VCAN: variants seen among roughly 807,000 people sequenced by gnomAD.
VCAN encodes versican core protein.
Under a neutral mutation model 245.5 loss-of-function variants are expected in VCAN, and 44 were observed. The observed-to-expected ratio is 0.18, with a 90% CI of 0.14 to 0.23. VCAN has a LOEUF of 0.23. Ranked by LOEUF, VCAN falls within the 10% of genes least tolerant of loss-of-function variation. VCAN has a pLI of 1.00. For missense variants in VCAN, 3,793 were observed against 4,057.9 expected, an observed-to-expected ratio of 0.93 and a Z score of 1.77; for synonymous variants, 1,413 against 1,437.0, an observed-to-expected ratio of 0.98 and a Z score of 0.38.
intron 12 of VCAN, among the ~76,000 whole-genome samples, chr5:83,558,101 T>A (rs1390585543): frequency 6.6e-6 from 1 of 152,148 alleles, no homozygotes; most frequent in Admixed American, 6.6e-5. Context: ...GCCCACTTTC[T>A]TGCTTTTGTA....
intron 6 of VCAN, among the ~76,000 whole-genome samples, chr5:83,513,867 G>A (rs969930480): frequency 6.6e-6 from 1 of 152,156 alleles, no homozygotes; most frequent in African/African-American, 2.4e-5. Context: ...GGAAGGCATT[G>A]GAGAGGTTAA....
chr5:83,536,712 C>T (rs1386037968), intron 7 of VCAN: 1 of 212,014 alleles, frequency 4.7e-6, no homozygotes, highest in Non-Finnish European at 9.3e-6. Context: ...TTCAAGATTA[C>T]ATTGTATATG....
In VCAN at chr5:83,537,120, C is replaced by T. The variant is rs1256337328; in HGVS notation, c.4117C>T (p.Pro1373Ser). ...GCATGATCTAATGGCTGAAATTTTACCTGAATTCCCTGACATAATTGAAAT... is the reference window on the plus strand; with the variant it reads ...GCATGATCTAATGGCTGAAATTTTATCTGAATTCCCTGACATAATTGAAAT... The part of the protein sequence containing the change: ...PVHDLMAEIL[P>S]EFPDIIEIDL... The change falls in exon 8 of 15, where the codon CCT (proline) becomes TCT (serine). Residue 1373 changes from proline (P) to serine (S), a missense_variant. Around this residue, in one of 5 missense-constraint regions of VCAN, gnomAD observed 3,182 missense variants for 3,250.3 expected, o/e 0.98. Transcript: ENST00000265077. 6.2e-7 allele frequency: 1 copy of T among 1,613,736 alleles called. No individual in the cohort carries two copies. The highest frequency in any genetic ancestry group is 1.1e-5 in the South Asian group (1 of 91,078).
At position 83,521,290 on chromosome 5, in the gene VCAN, A is replaced by T; in HGVS notation, c.2984A>T (p.Glu995Val). The change falls in exon 7 of 15, where the codon GAA becomes GTA. Residue 995 changes from glutamate to valine, a missense_variant. Glu to Val is a moderately radical substitution (Grantham distance 121). Transcript: ENST00000265077. ...GTACCTTCTGTTCCATCAGAAGATG[A>T]AGTTCTAGGTGAACCCTCTCAAGAC... ...VLVPSVPSED[E>V]VLGEPSQDIL... 2 of 1,614,080 alleles carry T rather than the reference A, an allele frequency of 1.2e-6. No homozygotes were observed. Among genetic ancestry groups the T allele is most frequent in the Non-Finnish European group, 1.7e-6 (2 of 1,179,912 alleles).
Position 83,537,878 on chromosome 5 carries a change from A to G in VCAN, c.4875A>G (p.Arg1625=). Residue 1625 remains arginine (R), a synonymous_variant, in exon 8 of 15, where the codon AGA becomes AGG. Coordinates refer to ENST00000265077, the MANE Select transcript of VCAN (RefSeq NM_004385.5). ...TKESWVEATP[R]QVVELSGSSS... ...AAAGCTGGGTAGAAGCAACTCCTAG[A>G]CAAGTTGTAGAGCTCTCAGGGAGTT... is the stretch of plus-strand genomic sequence containing the variant. 6.2e-7 allele frequency: 1 copy of G among 1,614,028 alleles called. No homozygotes were observed. Among genetic ancestry groups the G allele is most frequent in the Non-Finnish European group, 8.5e-7 (1 of 1,179,968 alleles).
At chr5:83,555,818 T>C (rs1286647055) in intron 12 of VCAN, among the ~76,000 whole-genome samples, 1 of 152,210 alleles carries the variant, frequency 6.6e-6, no homozygotes, top group Non-Finnish European at 1.5e-5. Flanking sequence ...CGCTGTATTT[T>C]CTCAGTGTTC....
intron 7 of VCAN, among the ~76,000 whole-genome samples, chr5:83,524,276 G>A (rs1746207605): frequency 6.6e-6 from 1 of 152,114 alleles, no homozygotes; most frequent in Non-Finnish European, 1.5e-5. Context: ...AGTGAGTTGT[G>A]GACTTGATTC....
chr5:83,570,008 G>A (rs1748229618), intron 12 of VCAN, among the ~76,000 whole-genome samples: 1 of 151,958 alleles, frequency 6.6e-6, no homozygotes, highest in African/African-American at 2.4e-5. Context: ...CGAGTGGAGG[G>A]TGAGGGATGA....
At chr5:83,517,700 G>A (rs1031117164) in intron 6 of VCAN, among the ~76,000 whole-genome samples, 8 of 152,090 alleles carry the variant, frequency 5.3e-5, no homozygotes, top group African/African-American at 1.9e-4. Context: ...TTTAAAAAGG[G>A]GAGGAAAAGG....
intron 12 of VCAN, among the ~76,000 whole-genome samples, chr5:83,561,049 C>G (rs1483008161): frequency 1.3e-5 from 2 of 152,074 alleles, no homozygotes; most frequent in African/African-American, 4.8e-5. Flanking sequence ...AGAAAAAGCC[C>G]TGACTTTATT....
chr5:83,517,228 A>C (rs1225136617), intron 6 of VCAN, among the ~76,000 whole-genome samples: 1 of 152,198 alleles, frequency 6.6e-6, no homozygotes, highest in African/African-American at 2.4e-5. Flanking sequence ...TTAAAACACT[A>C]TAAACATATT....
At chr5:83,495,712 A>G (rs1329276769) in intron 5 of VCAN, among the ~76,000 whole-genome samples, 7 of 152,222 alleles carry the variant, frequency 4.6e-5, no homozygotes, top group Admixed American at 1.3e-4. Context: ...CTGAAATGCT[A>G]GTAATACTAG....
intron 5 of VCAN, among the ~76,000 whole-genome samples, chr5:83,496,590 G>A (rs553796923): frequency 6.6e-6 from 1 of 152,300 alleles, no homozygotes; most frequent in East Asian, 1.9e-4. Context: ...CAATTCTGGA[G>A]GATATTCAGC....
chr5:83,568,744 G>A (rs1748175554), intron 12 of VCAN, among the ~76,000 whole-genome samples: 1 of 152,018 alleles, frequency 6.6e-6, no homozygotes, highest in Non-Finnish European at 1.5e-5. Context: ...TTCATTTTTA[G>A]CAATTAGAAA....
At chr5:83,528,798 G>A (rs1225492164) in intron 7 of VCAN, among the ~76,000 whole-genome samples, 2 of 152,118 alleles carry the variant, frequency 1.3e-5, no homozygotes, top group Admixed American at 6.5e-5. Context: ...TAGGATTATA[G>A]AGCAGGTGCT....
chr5:83,565,181 C>G (rs1393910933), intron 12 of VCAN, among the ~76,000 whole-genome samples: 1 of 152,162 alleles, frequency 6.6e-6, no homozygotes, highest in East Asian at 1.9e-4. Flanking sequence ...TGTAAAAACT[C>G]TCAGTGAGCT....
At chr5:83,475,087 G>T (rs1744338473) in intron 1 of VCAN, among the ~76,000 whole-genome samples, 3 of 152,094 alleles carry the variant, frequency 2.0e-5, no homozygotes, top group South Asian at 2.1e-4. Flanking sequence ...TAAAGAGTTC[G>T]CCTGGAATGG....
chr5:83,554,727 T>C (rs1747600190), intron 11 of VCAN, among the ~76,000 whole-genome samples: 1 of 152,200 alleles, frequency 6.6e-6, no homozygotes, highest in African/African-American at 2.4e-5. Context: ...TTATTGTCTA[T>C]GTCTTGATAT....
chr5:83,483,666 T>C lies in VCAN; in HGVS notation c.70+78T>C, dbSNP rs1313716734. Reference sequence around the variant, plus strand: ...TGGAGGATGAAATGGCAATGTGGAATCACTGGAATAAAAGATTGATTTTTA... The same window carrying C: ...TGGAGGATGAAATGGCAATGTGGAACCACTGGAATAAAAGATTGATTTTTA... On this transcript the variant is annotated intron_variant, in intron 2 of 14. Transcript: ENST00000265077. 5.4e-6 allele frequency: 7 copies of C among 1,298,784 alleles called. No homozygotes were observed. The Admixed American group carries it at 6.8e-5, about 13-fold the overall frequency. The allele number at this position is 1,298,784 out of a possible 1,614,324, so 80.5% of individuals were successfully genotyped here.
Sources: allele counts gnomAD v4.1 joint callset (sites outside exome capture counted in the v4.1 genomes callset), GRCh38; gene constraint gnomAD v4.1.1; regional missense constraint gnomAD v4.1.1; transcripts MANE v1.5; gene names NCBI Gene and HGNC (gene_info 2026-07-23, HGNC 2026-07-21).